The following TLE4 variants were observed in gnomAD, a reference collection of about 807,000 sequenced individuals.
TLE4 encodes transducin-like enhancer protein 4.
A neutral mutation model predicts 92.8 loss-of-function variants in TLE4; 8 were observed. The ratio of observed to expected loss-of-function variants is 0.09; its 90% CI spans 0.05 to 0.16. The LOEUF is 0.16. Ranked by LOEUF, TLE4 falls within the 10% of genes least tolerant of loss-of-function variation. TLE4 has a pLI of 1.00. For synonymous variants in TLE4, 371 were observed against 374.1 expected (o/e 0.99, Z 0.10); for missense variants, 675 against 997.6 (o/e 0.68, Z 4.36).
rs1170642342 is a variant in TLE4, at chr9:79,592,275, C to CTT, written c.252+16114_252+16115dup. Among the ~76,000 whole-genome samples the CTT allele has an allele frequency of 1.3e-4, 14 of 106,918 alleles. 1 individual carries two copies. The highest frequency in any genetic ancestry group is 1.4e-4 in the Non-Finnish European group (7 of 49,760). 70.1% of individuals were successfully genotyped at this position (106,918 alleles called of 152,430 possible). A position where few individuals can be genotyped will look rare whatever the true frequency, so the allele number is the denominator to read the frequency against. The stretch of plus-strand genomic sequence containing the variant: ...TTCTTTCTTCTTTCTTCTTCTTCTT[C>CTT]TTTTTTTTTTTTTTTTTGGAGGCAG... On this transcript the variant is annotated intron_variant, in intron 4 of 19. Transcript: ENST00000376552.
chr9:79,658,949 G>C (rs12350950), intron 8 of TLE4, among the ~76,000 whole-genome samples: 16,488 of 152,158 alleles, frequency 0.11, 979 homozygotes, highest in African/African-American at 0.14. Flanking sequence ...GTCTAATTAA[G>C]GGCTGTAACA....
chr9:79,613,819 C>G (rs1386479899), intron 5 of TLE4, among the ~76,000 whole-genome samples: 1 of 152,022 alleles, frequency 6.6e-6, no homozygotes, highest in Non-Finnish European at 1.5e-5. Context: ...TTGGTCTGGA[C>G]TGGGTTAGAC....
At chr9:79,671,556 G>A (rs1564799268) in intron 8 of TLE4, 2 of 253,196 alleles carry the variant, frequency 7.9e-6, no homozygotes, top group Non-Finnish European at 1.7e-5. Context: ...TCGAGCAGGA[G>A]AGACTCTTGC....
In TLE4 at chr9:79,633,607, G is replaced by A. The variant is rs146376372; in HGVS notation, c.390+6159G>A. Among the ~76,000 whole-genome samples, 8 of 152,240 alleles carry A rather than the reference G, an allele frequency of 5.3e-5. No homozygotes were observed. The East Asian group carries it at 1.5e-3, about 29-fold the overall frequency. On this transcript the variant is annotated intron_variant, in intron 6 of 19. Coordinates refer to ENST00000376552, the MANE Select transcript of TLE4 (RefSeq NM_007005.6). ...GAGCTTATGCAGAGGTCTGAGGAAT[G>A]GTTATATAGAAAAACAGGCTAAAAC...
chr9:79,609,869 C>T (rs775418801), intron 4 of TLE4, among the ~76,000 whole-genome samples: 23 of 152,000 alleles, frequency 1.5e-4, no homozygotes, highest in Middle Eastern at 3.2e-3. Flanking sequence ...ACAGTACTGG[C>T]GTAGCCTGAT....
chr9:79,661,711 T>C (rs142202141), intron 8 of TLE4, among the ~76,000 whole-genome samples: 1 of 152,368 alleles, frequency 6.6e-6, no homozygotes, highest in East Asian at 1.9e-4. Context: ...CTTAGTTGTT[T>C]TTCTTTGAAT....
At chr9:79,702,758 C>T (rs1338011087) in intron 8 of TLE4, among the ~76,000 whole-genome samples, 1 of 152,174 alleles carries the variant, frequency 6.6e-6, no homozygotes, top group Non-Finnish European at 1.5e-5. Flanking sequence ...AGTGGGCACC[C>T]ACTCACTGGT....
chr9:79,688,092 G>T (rs1318344698), intron 8 of TLE4, among the ~76,000 whole-genome samples: 1 of 152,050 alleles, frequency 6.6e-6, no homozygotes, highest in African/African-American at 2.4e-5. Flanking sequence ...CACCTTGCTG[G>T]TCTTCACATT....
chr9:79,607,400 G>A (rs187025614), intron 4 of TLE4, among the ~76,000 whole-genome samples: 81 of 152,114 alleles, frequency 5.3e-4, no homozygotes, highest in African/African-American at 1.6e-3. Context: ...GTCAATTTTG[G>A]CTTCTGTTGC....
At chr9:79,621,690 C>T (rs2051030628) in intron 5 of TLE4, among the ~76,000 whole-genome samples, 1 of 152,052 alleles carries the variant, frequency 6.6e-6, no homozygotes, top group Non-Finnish European at 1.5e-5. Context: ...TCAGCCCCGG[C>T]AGTGTTTAGA....
chr9:79,597,491 G>T (rs1335716468), intron 4 of TLE4, among the ~76,000 whole-genome samples: 1 of 151,826 alleles, frequency 6.6e-6, no homozygotes, highest in African/African-American at 2.4e-5. Context: ...TACTAGCCCA[G>T]ACCCTTCCTC....
intron 4 of TLE4, among the ~76,000 whole-genome samples, chr9:79,588,439 G>A (rs1265130331): frequency 2.0e-5 from 3 of 152,094 alleles, no homozygotes; most frequent in African/African-American, 4.8e-5. Context: ...GTGAGCCACC[G>A]CGCCCGGCCT....
At chr9:79,611,838 T>C in intron 4 of TLE4, among the ~76,000 whole-genome samples, 1 of 146,252 alleles carries the variant, frequency 6.8e-6, no homozygotes, top group South Asian at 2.1e-4. Flanking sequence ...TCTTTTAACT[T>C]ACTGTAGCAT....
At chr9:79,585,652 C>T (rs1304538979) in intron 4 of TLE4, among the ~76,000 whole-genome samples, 2 of 127,524 alleles carry the variant, frequency 1.6e-5, no homozygotes, top group Non-Finnish European at 3.2e-5. Flanking sequence ...ATCCAGTGAA[C>T]AGAAATTGAA....
At chr9:79,615,649 A>T (rs1310213058) in intron 5 of TLE4, among the ~76,000 whole-genome samples, 3 of 151,904 alleles carry the variant, frequency 2.0e-5, no homozygotes, top group Non-Finnish European at 4.4e-5. Flanking sequence ...ACTTAAAAAA[A>T]CTATATAGTA....
chr9:79,705,848 T>C (rs755133003), intron 9 of TLE4, 41 bp from the exon 10 acceptor site: 10 of 1,607,326 alleles, frequency 6.2e-6, no homozygotes, highest in Non-Finnish European at 7.7e-6. Flanking sequence ...GTGGTATGTT[T>C]TGTGAGGGGA....
chr9:79,726,251 G>A lies in TLE4; in HGVS notation c.*1107G>A, dbSNP rs1322261505. 6.6e-6 allele frequency: 1 copy of A among 152,652 alleles called. No individual in the cohort carries two copies. Among genetic ancestry groups the A allele is most frequent in the African/African-American group, 2.4e-5 (1 of 41,448 alleles). The allele number at this position is 152,652 out of a possible 1,614,324, so 9.5% of individuals were successfully genotyped here. A position where few individuals can be genotyped will look rare whatever the true frequency, so the allele number is the denominator to read the frequency against. ...GTTGGATGTCCCTGAAATGGACACAGGCTGTGCCATTGTGCCAGAAACATT... is the reference window on the plus strand; with the variant it reads ...GTTGGATGTCCCTGAAATGGACACAAGCTGTGCCATTGTGCCAGAAACATT... On this transcript the variant is annotated 3_prime_UTR_variant, in exon 20 of 20. Transcript: ENST00000376552.
intron 8 of TLE4, among the ~76,000 whole-genome samples, chr9:79,681,301 GA>G (rs2064518932): frequency 6.6e-6 from 1 of 151,102 alleles, no homozygotes; most frequent in Non-Finnish European, 1.5e-5. Context: ...GTGGTTAAAG[GA>G]AGTCACTATC....
At chr9:79,663,711 G>A (rs924828702) in intron 8 of TLE4, 9 of 151,996 alleles carry the variant, frequency 5.9e-5, no homozygotes, top group African/African-American at 2.2e-4. Context: ...AACTGGTTGA[G>A]CAATATAAAC....
Sources: allele counts gnomAD v4.1 joint callset (sites outside exome capture counted in the v4.1 genomes callset), GRCh38; gene constraint gnomAD v4.1.1; transcripts MANE v1.5; gene names NCBI Gene and HGNC (gene_info 2026-07-23, HGNC 2026-07-21).